The following ARHGAP17 variants were observed in gnomAD, a reference collection of about 807,000 sequenced individuals.
ARHGAP17 encodes Rho GTPase activating protein 17, also known as rho GTPase-activating protein 17.
Under a neutral mutation model 99.5 loss-of-function variants are expected in ARHGAP17, and 57 were observed. The ratio of observed to expected loss-of-function variants is 0.57; its 90% CI spans 0.46 to 0.71. ARHGAP17 has a LOEUF of 0.71. Among genes scored for constraint, ARHGAP17 ranks in the 30% least tolerant of loss-of-function variants. The pLI is 0.00. For missense variants in ARHGAP17, 1,000 were observed against 1,122.4 expected (o/e 0.89, Z 1.56); for synonymous variants, 417 against 429.6 (o/e 0.97, Z 0.36).
At chr16:24,939,203 A>C (rs1048349813) in intron 17 of ARHGAP17, among the ~76,000 whole-genome samples, 161 bp downstream of exon 17, 1 of 152,228 alleles carries the variant, frequency 6.6e-6, no homozygotes, top group Non-Finnish European at 1.5e-5. Flanking sequence ...AGCCATTCAT[A>C]GTCTTTTTTT....
chr16:24,994,327 A>T (rs1018393047), intron 1 of ARHGAP17, among the ~76,000 whole-genome samples: 18 of 152,366 alleles, frequency 1.2e-4, no homozygotes, highest in African/African-American at 4.3e-4. Flanking sequence ...ATTCAGGATA[A>T]GTAAGCCTTA....
At position 24,977,299 on chromosome 16, in the gene ARHGAP17, C is replaced by T. The variant is rs199521858; in HGVS notation, c.114G>A (p.Thr38=). ...DLLQIERRLD[T]VRSICHHSHK... ...GGGAATGGTGGCATATTGACCGCAC[C>T]GTGTCCAGGCGTCTCTCAATCTGAC... The change falls in exon 3 of 20, where the codon ACG becomes ACA. Residue 38 remains threonine (T), a synonymous_variant. Transcript: ENST00000289968. The T allele has an allele frequency of 2.8e-5, 45 of 1,587,394 alleles. No individual in the cohort carries two copies. The East Asian group carries it at 7.9e-4, about 28-fold the overall frequency.
At position 24,993,447 on chromosome 16, in the gene ARHGAP17, G is replaced by A. The variant is rs143820691; in HGVS notation, c.54-14442C>T. Reference sequence around the variant, plus strand: ...CTAAAATACAAAAAAAAATTAGCTGGGCATGGTGGTAGGCACCTGTAATCT... The same window carrying A: ...CTAAAATACAAAAAAAAATTAGCTGAGCATGGTGGTAGGCACCTGTAATCT... On this transcript the variant is annotated intron_variant, in intron 1 of 19. Coordinates refer to ENST00000289968, the MANE Select transcript of ARHGAP17 (RefSeq NM_001006634.3). Among the ~76,000 whole-genome samples, 18 of 152,100 alleles carry A rather than the reference G, an allele frequency of 1.2e-4. No homozygotes were observed. In the East Asian group the frequency reaches 2.4e-3, roughly 20 times the overall value.
intron 6 of ARHGAP17, among the ~76,000 whole-genome samples, chr16:24,967,311 C>T (rs1055518568): frequency 6.6e-6 from 1 of 152,206 alleles, no homozygotes; most frequent in African/African-American, 2.4e-5. Flanking sequence ...CCTACAGCTG[C>T]CTTTATGCTA....
chr16:24,946,729 GA>G (rs2051484484), intron 14 of ARHGAP17, among the ~76,000 whole-genome samples: 2 of 152,134 alleles, frequency 1.3e-5, no homozygotes, highest in South Asian at 4.1e-4. Flanking sequence ...AAGGCTGAGG[GA>G]AACCTCCATA....
intron 4 of ARHGAP17, among the ~76,000 whole-genome samples, chr16:24,970,012 G>C (rs2052312776): frequency 1.3e-5 from 2 of 150,016 alleles, no homozygotes; most frequent in Admixed American, 1.3e-4. Flanking sequence ...AAACTGCTTT[G>C]TTCTTACTTA....
At chr16:24,921,848 A>G (rs2050727217) in intron 19 of ARHGAP17, among the ~76,000 whole-genome samples, 1 of 152,208 alleles carries the variant, frequency 6.6e-6, no homozygotes, top group South Asian at 2.1e-4. Flanking sequence ...GCACCAGCCT[A>G]TGGTGCAGCC....
At chr16:24,970,457 C>T (rs1383221839) in intron 4 of ARHGAP17, 50 bp downstream of exon 4, 2 of 1,570,840 alleles carry the variant, frequency 1.3e-6, no homozygotes, top group Non-Finnish European at 1.8e-6. Context: ...GGCCCAGCCA[C>T]TTCCACCAAT....
At chr16:24,942,255 C>T in intron 15 of ARHGAP17, 112 bp from the exon 16 acceptor site, 3 of 1,123,626 alleles carry the variant, frequency 2.7e-6, no homozygotes, top group Non-Finnish European at 3.7e-6. Flanking sequence ...ACAGCCCTCA[C>T]TATTTCAAAG....
intron 14 of ARHGAP17, among the ~76,000 whole-genome samples, chr16:24,946,220 C>A (rs892482870): frequency 4.6e-5 from 7 of 152,018 alleles, no homozygotes; most frequent in African/African-American, 1.2e-4. Context: ...GACTCCCCAC[C>A]ACCCAGAAAA....
chr16:24,933,615 G>A (rs2051054474), intron 18 of ARHGAP17, among the ~76,000 whole-genome samples: 1 of 151,954 alleles, frequency 6.6e-6, no homozygotes, highest in African/African-American at 2.4e-5. Context: ...GACTGCCATC[G>A]GCATTTAAAA....
chr16:24,972,510 G>A (rs1318995176), intron 3 of ARHGAP17: 1 of 152,062 alleles, frequency 6.6e-6, no homozygotes, highest in African/African-American at 2.4e-5. Context: ...TAAATAATGG[G>A]CTCCATCTGC....
chr16:24,954,616 C>A lies in ARHGAP17; in HGVS notation c.839G>T (p.Gly280Val). The change falls in exon 10 of 20, where the codon GGC becomes GTC. Residue 280 changes from glycine (G) to valine (V), a missense_variant. This residue lies in a region of ARHGAP17 where 472 missense variants were observed against 611.1 expected (regional missense o/e 0.77). Coordinates refer to ENST00000289968, the MANE Select transcript of ARHGAP17 (RefSeq NM_001006634.3). Reference protein sequence around the residue: ...EACVMLLLETGMKEEGLFRIG... With the variant: ...EACVMLLLETVMKEEGLFRIG... ...AGCTCCCCTCACCTCCTCCTTCATGCCTGTCTCCAGAAGCAGCATGACACA... is the reference window on the plus strand; with the variant it reads ...AGCTCCCCTCACCTCCTCCTTCATGACTGTCTCCAGAAGCAGCATGACACA... 1 of 1,613,620 alleles carries A rather than the reference C, an allele frequency of 6.2e-7. No homozygotes were observed. Among genetic ancestry groups the A allele is most frequent in the Non-Finnish European group, 8.5e-7 (1 of 1,179,736 alleles).
rs1322223918 is a variant in ARHGAP17 at position 24,943,825 on chromosome 16, C to T, written c.1279G>A (p.Val427Met). 1 of 1,614,204 alleles carries T rather than the reference C, an allele frequency of 6.2e-7. No homozygotes were observed. Among genetic ancestry groups the T allele is most frequent in the Non-Finnish European group, 8.5e-7 (1 of 1,180,040 alleles). The change falls in exon 15 of 20, where the codon GTG (valine) becomes ATG (methionine). Residue 427 changes from valine to methionine, a missense_variant. By Grantham distance (21) the Val-to-Met change is conservative. Around this residue, in one of 2 missense-constraint regions of ARHGAP17, gnomAD observed 472 missense variants for 611.1 expected, o/e 0.77. Coordinates refer to ENST00000289968, the MANE Select transcript of ARHGAP17 (RefSeq NM_001006634.3). ...ATGATGGGTTCAATCACTGCAACCACATGGACGGATGTGGCTGCTGCCATT... is the reference window on the plus strand; with the variant it reads ...ATGATGGGTTCAATCACTGCAACCATATGGACGGATGTGGCTGCTGCCATT... ...AEMAAATSVH[V>M]VAVIEPIIQH...
intron 1 of ARHGAP17, among the ~76,000 whole-genome samples, chr16:24,982,066 T>C (rs942996470): frequency 1.3e-5 from 2 of 151,620 alleles, no homozygotes; most frequent in East Asian, 3.9e-4. Context: ...ATTACATTAA[T>C]AAAATCAATT....
intron 1 of ARHGAP17, among the ~76,000 whole-genome samples, chr16:24,986,392 A>G (rs991995328): frequency 2.0e-5 from 3 of 152,236 alleles, no homozygotes; most frequent in Non-Finnish European, 4.4e-5. Flanking sequence ...ACCAGGGGTC[A>G]GCAAACTATA....
In ARHGAP17 at chr16:24,946,020, TC is replaced by T. The variant is rs373612167; in HGVS notation, c.1241+1461del. Among the ~76,000 whole-genome samples the T allele has an allele frequency of 1.6e-3, 247 of 152,342 alleles. 1 individual carries two copies. The highest frequency in any genetic ancestry group is 5.7e-3 in the African/African-American group (237 of 41,564). On this transcript the variant is annotated intron_variant, in intron 14 of 19. Coordinates refer to ENST00000289968, the MANE Select transcript of ARHGAP17 (RefSeq NM_001006634.3). ...ATTTCTAATCAATTTCTCCTTTATGTCCTCTATTCAAAAGGTTACTTCTGAT... is the reference window on the plus strand; with the variant it reads ...ATTTCTAATCAATTTCTCCTTTATGTCTCTATTCAAAAGGTTACTTCTGAT...
chr16:24,977,460 G>A (rs1388804564), intron 2 of ARHGAP17, 141 bp from the exon 3 acceptor site: 5 of 583,960 alleles, frequency 8.6e-6, no homozygotes, highest in Non-Finnish European at 1.1e-5. Flanking sequence ...ACTGAGTGGC[G>A]CCAGTCAGTT....
At chr16:24,994,543 C>T (rs898139346) in intron 1 of ARHGAP17, among the ~76,000 whole-genome samples, 4 of 152,178 alleles carry the variant, frequency 2.6e-5, no homozygotes, top group African/African-American at 9.7e-5. Context: ...AGTGCAAGGA[C>T]GGTTCCAACA....
Sources: gnomAD v4.1 joint callset for allele counts (sites outside exome capture counted in the v4.1 genomes callset) on GRCh38, gnomAD v4.1.1 for gene constraint, gnomAD v4.1.1 regional missense constraint, MANE v1.5 for transcripts, NCBI Gene and HGNC (gene_info 2026-07-23, HGNC 2026-07-21) for gene names.